PLEKHG1: variants seen among roughly 807,000 people sequenced by gnomAD.
The protein encoded by PLEKHG1 is pleckstrin homology domain-containing family G member 1.
In PLEKHG1, 44 loss-of-function variants were observed where a neutral mutation model predicts 100.8. That is an observed-to-expected ratio of 0.44 (90% CI 0.34 to 0.56). The LOEUF (loss-of-function observed/expected upper bound fraction) is 0.56, where lower values mean the gene tolerates loss of function less well. Among genes scored for constraint, PLEKHG1 ranks in the 20% least tolerant of loss-of-function variants. The pLI is 0.01. For missense variants in PLEKHG1, 1,545 were observed against 1,720.9 expected (o/e 0.90, Z 1.81); for synonymous variants, 640 against 662.5 (o/e 0.97, Z 0.52).
chr6:150,612,057 C>T (rs865838243), intron 1 of PLEKHG1, among the ~76,000 whole-genome samples: 4 of 107,106 alleles, frequency 3.7e-5, no homozygotes, highest in African/African-American at 9.9e-5. Flanking sequence ...CCCCCCCCCC[C>T]CCCTTTTCTA....
intron 3 of PLEKHG1, among the ~76,000 whole-genome samples, chr6:150,700,528 A>G (rs1315022319): frequency 1.3e-5 from 2 of 152,104 alleles, no homozygotes; most frequent in Non-Finnish European, 2.9e-5. Flanking sequence ...AGAGTCTATG[A>G]AAGGAAAGAT....
At chr6:150,786,682 T>C (rs1194095359) in intron 4 of PLEKHG1, among the ~76,000 whole-genome samples, 1 of 152,096 alleles carries the variant, frequency 6.6e-6, no homozygotes, top group Non-Finnish European at 1.5e-5. Context: ...ATAATGTTAC[T>C]CTTTGCTGGG....
rs148702334 is a variant in PLEKHG1, at chr6:150,709,757, T to C, written c.-98-23827T>C. The stretch of plus-strand genomic sequence containing the variant: ...AGGTGATGGTTTAGATTGAACAAAA[T>C]TAATTTGGCTTTGGGGATGGTGTTT... On this transcript the variant is annotated intron_variant, in intron 3 of 3. Coordinates refer to the PLEKHG1 transcript ENST00000367326. Among the ~76,000 whole-genome samples, 120 of 152,256 alleles carry C rather than the reference T, an allele frequency of 7.9e-4. 1 individual carries two copies. The highest frequency in any genetic ancestry group is 2.8e-3 in the African/African-American group (117 of 41,548).
chr6:150,830,083 G>T (rs1421829642), intron 14 of PLEKHG1, among the ~76,000 whole-genome samples: 3 of 152,118 alleles, frequency 2.0e-5, no homozygotes, highest in Admixed American at 6.5e-5. Flanking sequence ...ATGCTTTGGG[G>T]CAAGGGGTTT....
Position 150,683,898 on chromosome 6 carries a change from C to T in PLEKHG1, c.-99+33112C>T. On this transcript the variant is annotated intron_variant, in intron 3 of 3. Transcript: ENST00000367326. This position sits in a 1 kb window ranked among gnomAD's most constrained non-coding sequence, Gnocchi z 4.0. ...TGGGATGGAGGTAAGATGGAGCGAT[C>T]CTATGGTTTGGCACCTGCAGCCAGG... The T allele has an allele frequency of 1.8e-6, 2 of 1,098,798 alleles. No individual in the cohort carries two copies. The highest frequency in any genetic ancestry group is 2.4e-6 in the Non-Finnish European group (2 of 837,382). 68.1% of individuals were successfully genotyped at this position (1,098,798 alleles called of 1,614,324 possible).
chr6:150,670,607 C>T (rs1436365048), intron 3 of PLEKHG1, among the ~76,000 whole-genome samples: 1 of 152,136 alleles, frequency 6.6e-6, no homozygotes, highest in Non-Finnish European at 1.5e-5. Flanking sequence ...GCTCATTCAG[C>T]AAAACTTTGG....
At chr6:150,722,349 C>CTTTTTTTTTTTTTT (rs139069069) in intron 1 of PLEKHG1, among the ~76,000 whole-genome samples, 4 of 90,678 alleles carry the variant, frequency 4.4e-5, no homozygotes, top group Non-Finnish European at 8.5e-5. Flanking sequence ...TTTTTCTTTT[C>CTTTTTTTTTTTTTT]TTTTTTTTTT....
At chr6:150,604,719 T>C (rs1225868210) in intron 1 of PLEKHG1, among the ~76,000 whole-genome samples, 3 of 152,204 alleles carry the variant, frequency 2.0e-5, no homozygotes, top group Non-Finnish European at 4.4e-5. Context: ...GGGCTAGAAG[T>C]CTCTGTTAAG....
At chr6:150,704,884 A>G (rs1428710148) in intron 3 of PLEKHG1, among the ~76,000 whole-genome samples, 1 of 152,228 alleles carries the variant, frequency 6.6e-6, no homozygotes, top group Non-Finnish European at 1.5e-5. Flanking sequence ...CTGTATTCTC[A>G]CATAGGCTTT....
chr6:150,684,801 T>C (rs1337105064), intron 3 of PLEKHG1, among the ~76,000 whole-genome samples: 1 of 151,364 alleles, frequency 6.6e-6, no homozygotes, highest in Non-Finnish European at 1.5e-5. Flanking sequence ...AGGTTTGGGA[T>C]GGGGGGAAAT....
chr6:150,736,540 G>A lies in PLEKHG1; in HGVS notation c.411+2448G>A, dbSNP rs919571716. Among the ~76,000 whole-genome samples, 8 of 152,250 alleles carry A rather than the reference G, an allele frequency of 5.3e-5. No homozygotes were observed. In the East Asian group the frequency reaches 9.7e-4, roughly 18 times the overall value. ...TCCCAGCACTTTGGGAGGCCGAGGC[G>A]GGCGGATCACCTGAGGTCGGGAGTT... On this transcript the variant is annotated intron_variant, in intron 2 of 15. Transcript: ENST00000358517.
In PLEKHG1 at chr6:150,657,835, G is replaced by C. The variant is rs111714026; in HGVS notation, c.-99+7049G>C. ...CTCAGGGACCATCTCTAATAGGCAC[G>C]GAAAGACTGTCACCTAAAATGTCAA... On this transcript the variant is annotated intron_variant, in intron 3 of 3. Coordinates refer to the PLEKHG1 transcript ENST00000367326. 2.5e-3 allele frequency among the ~76,000 whole-genome samples: 384 copies of C among 152,278 alleles called. 2 individuals carry two copies. Among genetic ancestry groups the C allele is most frequent in the African/African-American group, 8.9e-3 (370 of 41,548 alleles).
chr6:150,672,587 GAAA>G (rs1204835716), intron 3 of PLEKHG1, among the ~76,000 whole-genome samples: 4 of 152,152 alleles, frequency 2.6e-5, no homozygotes, highest in African/African-American at 9.7e-5. Flanking sequence ...GCATTTAGGT[GAAA>G]TCAGAGGATA....
chr6:150,607,632 G>T (rs1562378879), intron 1 of PLEKHG1, among the ~76,000 whole-genome samples: 1 of 152,180 alleles, frequency 6.6e-6, no homozygotes, highest in South Asian at 2.1e-4. Context: ...CAAAGATCTG[G>T]GATTACTGAG....
At chr6:150,658,434 T>G (rs1254398988) in intron 3 of PLEKHG1, among the ~76,000 whole-genome samples, 1 of 152,238 alleles carries the variant, frequency 6.6e-6, no homozygotes, top group Non-Finnish European at 1.5e-5. Context: ...TTCATATACA[T>G]TCTTTTGATT....
In PLEKHG1 at chr6:150,659,966, C is replaced by T. The variant is rs2131263; in HGVS notation, c.-99+9180C>T. ...TGATCCAAAATTTAGAAACTTCACACGCATTCATAAGAAATCAATAAAAAT... is the reference window on the plus strand; with the variant it reads ...TGATCCAAAATTTAGAAACTTCACATGCATTCATAAGAAATCAATAAAAAT... On this transcript the variant is annotated intron_variant, in intron 3 of 3. Coordinates refer to the PLEKHG1 transcript ENST00000367326. Among the ~76,000 whole-genome samples the T allele has an allele frequency of 3.9e-3, 589 of 152,242 alleles. 1 individual carries two copies. The highest frequency in any genetic ancestry group is 0.013 in the African/African-American group (549 of 41,526).
intron 1 of PLEKHG1, among the ~76,000 whole-genome samples, chr6:150,724,475 A>C (rs960680905): frequency 6.6e-6 from 1 of 152,228 alleles, no homozygotes; most frequent in Non-Finnish European, 1.5e-5. Context: ...ACCACACACA[A>C]AAAAAGCATA....
chr6:150,766,273 G>T (rs1000740004), intron 2 of PLEKHG1, among the ~76,000 whole-genome samples: 1 of 152,094 alleles, frequency 6.6e-6, no homozygotes, highest in African/African-American at 2.4e-5. Flanking sequence ...TAACAGCAGG[G>T]TAACCATAGG....
rs1554276213 is a variant in PLEKHG1 at position 150,804,155 on chromosome 6, T to TATATA, written c.781-455_781-454insATATA. The stretch of plus-strand genomic sequence containing the variant: ...AGAATGATGCTGGTGTGTAAATATT[T>TATATA]TATATATATATATATATATATTTTT... On this transcript the variant is annotated intron_variant, in intron 6 of 15. Coordinates refer to ENST00000358517, the Ensembl canonical transcript of PLEKHG1. Among the ~76,000 whole-genome samples the TATATA allele has an allele frequency of 7.6e-3, 231 of 30,250 alleles. 12 individuals carry two copies. Among genetic ancestry groups the TATATA allele is most frequent in the Admixed American group, 0.039 (69 of 1,776 alleles). 19.8% of individuals were successfully genotyped at this position (30,250 alleles called of 152,430 possible).
Sources: gnomAD v4.1 joint callset for allele counts (sites outside exome capture counted in the v4.1 genomes callset) on GRCh38, gnomAD v4.1.1 for gene constraint, Gnocchi (gnomAD v3.1) non-coding constraint, MANE v1.5 for transcripts, NCBI Gene and HGNC (gene_info 2026-07-23, HGNC 2026-07-21) for gene names.